Variants in FTO observed in about 807,000 individuals in gnomAD.
FTO encodes FTO alpha-ketoglutarate dependent dioxygenase, also known as alpha-ketoglutarate-dependent dioxygenase FTO.
A neutral mutation model predicts 63.9 loss-of-function variants in FTO; 47 were observed. That is an observed-to-expected ratio of 0.74 (90% CI 0.58 to 0.94). The LOEUF (loss-of-function observed/expected upper bound fraction) is 0.94. Ranked by LOEUF, FTO falls within the 40% of genes least tolerant of loss-of-function variation. The pLI, the probability that FTO is intolerant of heterozygous loss-of-function variation, is 0.00. For missense variants in FTO, 562 were observed against 618.1 expected, an observed-to-expected ratio of 0.91 and a Z score of 0.96; for synonymous variants, 207 against 224.4, an observed-to-expected ratio of 0.92 and a Z score of 0.69.
At chr16:53,920,935 T>C (rs1167805018) in intron 7 of FTO, among the ~76,000 whole-genome samples, 1 of 152,088 alleles carries the variant, frequency 6.6e-6, no homozygotes, top group African/African-American at 2.4e-5. Context: ...ACTAGGGCTT[T>C]GGTTTGGGTA....
Position 54,014,850 on chromosome 16 carries a change from C to CT in FTO, c.1364+80764dup, listed in dbSNP as rs149634902. Among the ~76,000 whole-genome samples, 706 of 102,912 alleles carry CT rather than the reference C, an allele frequency of 6.9e-3. 10 individuals carry two copies. Among genetic ancestry groups the CT allele is most frequent in the Non-Finnish European group, 9.2e-3 (513 of 55,628 alleles). The allele number at this position is 102,912 out of a possible 152,430, so 67.5% of individuals were successfully genotyped here. The stretch of plus-strand genomic sequence containing the variant: ...AATCTCCTACTTTCTCTCTCTCTCT[C>CT]TTTTTTTTTTTTTTTTTTTTTTTGA... On this transcript the variant is annotated intron_variant, in intron 8 of 8. Transcript: ENST00000471389.
chr16:53,916,964 A>T (rs2081884994), intron 7 of FTO, among the ~76,000 whole-genome samples: 1 of 152,088 alleles, frequency 6.6e-6, no homozygotes. Context: ...TCCAAGTGAG[A>T]CTGTAGTCGG....
chr16:53,843,651 C>T lies in FTO; in HGVS notation c.752-504C>T, dbSNP rs192774659. ...CATGTGTATTATAGAAACAGCTTTT[C>T]TAGTTACTAACCCCATTCATCTAAA... On this transcript the variant is annotated intron_variant, in intron 3 of 8. Transcript: ENST00000471389. Among the ~76,000 whole-genome samples the T allele has an allele frequency of 2.9e-4, 44 of 152,212 alleles. 1 individual carries two copies. In the East Asian group the frequency reaches 7.7e-3, roughly 27 times the overall value.
At chr16:54,097,121 G>GT (rs1304170383) in intron 8 of FTO, among the ~76,000 whole-genome samples, 2 of 152,198 alleles carry the variant, frequency 1.3e-5, no homozygotes, top group African/African-American at 2.4e-5. Context: ...TATAACTACA[G>GT]TTTTTTTAGA....
chr16:53,852,871 A>C (rs1056364543), intron 4 of FTO, among the ~76,000 whole-genome samples: 1 of 152,198 alleles, frequency 6.6e-6, no homozygotes, highest in African/African-American at 2.4e-5. Flanking sequence ...ATGATTGCTC[A>C]ATATCACTAG....
chr16:53,931,992 G>A (rs895278288), intron 7 of FTO, among the ~76,000 whole-genome samples: 1 of 151,982 alleles, frequency 6.6e-6, no homozygotes, highest in Admixed American at 6.6e-5. Context: ...GAGCTGGCTG[G>A]ATCTGAATAG....
At chr16:53,994,738 C>CT (rs1358002441) in intron 8 of FTO, among the ~76,000 whole-genome samples, 79 of 147,134 alleles carry the variant, frequency 5.4e-4, no homozygotes, top group East Asian at 3.6e-3. Context: ...GTGTTTCCTC[C>CT]TTTTTTTTTT....
At chr16:53,943,883 C>T (rs1308883444) in intron 8 of FTO, among the ~76,000 whole-genome samples, 1 of 152,218 alleles carries the variant, frequency 6.6e-6, no homozygotes, top group Admixed American at 6.5e-5. Context: ...AACATAAATT[C>T]TCCTTCAATT....
chr16:54,005,921 G>GT (rs566697021), intron 8 of FTO, among the ~76,000 whole-genome samples: 325 of 152,232 alleles, frequency 2.1e-3, no homozygotes, highest in African/African-American at 7.5e-3. Context: ...TCCTAGAAAT[G>GT]TTTTTTGTTT....
chr16:53,704,125 C>T (rs1567909186), upstream of FTO: 4 of 1,498,010 alleles, frequency 2.7e-6, no homozygotes, highest in East Asian at 9.8e-5. Flanking sequence ...ATGCAGGAGG[C>T]GGGGTCCAGG....
intron 8 of FTO, among the ~76,000 whole-genome samples, chr16:54,012,223 T>G (rs1349083763): frequency 6.6e-6 from 1 of 152,172 alleles, no homozygotes; most frequent in African/African-American, 2.4e-5. Flanking sequence ...CGGAGAGAGT[T>G]TGAGTGGTCT....
At chr16:53,997,765 T>A (rs998806710) in intron 8 of FTO, among the ~76,000 whole-genome samples, 4 of 152,120 alleles carry the variant, frequency 2.6e-5, no homozygotes, top group African/African-American at 4.8e-5. Flanking sequence ...TTATTCTCTA[T>A]ACTTGTTATT....
At chr16:53,854,324 GTTTA>G (rs1477955339) in intron 4 of FTO, among the ~76,000 whole-genome samples, 2 of 151,874 alleles carry the variant, frequency 1.3e-5, no homozygotes, top group African/African-American at 4.8e-5. Flanking sequence ...AGTAGGTCCC[GTTTA>G]TTTATTTTTT....
intron 8 of FTO, among the ~76,000 whole-genome samples, chr16:54,032,773 A>G (rs2084860761): frequency 6.6e-6 from 1 of 152,018 alleles, no homozygotes; most frequent in African/African-American, 2.4e-5. Flanking sequence ...CCATTGTTGG[A>G]GGTAGGGTTT....
chr16:54,060,117 C>T (rs2085535324), intron 8 of FTO, among the ~76,000 whole-genome samples: 1 of 152,124 alleles, frequency 6.6e-6, no homozygotes, highest in Non-Finnish European at 1.5e-5. Flanking sequence ...TACTTCTCTT[C>T]CAACTTGATA....
At chr16:54,078,381 A>G (rs1335600045) in intron 8 of FTO, among the ~76,000 whole-genome samples, 1 of 147,296 alleles carries the variant, frequency 6.8e-6, no homozygotes, top group African/African-American at 2.5e-5. Context: ...ATATTAGTAA[A>G]ATAATAAATA....
intron 8 of FTO, chr16:53,993,096 C>T (rs867341882): frequency 3.3e-5 from 5 of 152,172 alleles, no homozygotes; most frequent in South Asian, 2.1e-4. Context: ...GTTCTCTCCC[C>T]GGAGGGTTTT....
At chr16:53,732,841 T>C (rs2076305303) in intron 1 of FTO, among the ~76,000 whole-genome samples, 1 of 152,018 alleles carries the variant, frequency 6.6e-6, no homozygotes, top group Non-Finnish European at 1.5e-5. Flanking sequence ...AAAAGGAGCA[T>C]TGTAGCAGGG....
At chr16:54,067,502 C>T (rs952947874) in intron 8 of FTO, among the ~76,000 whole-genome samples, 4 of 152,144 alleles carry the variant, frequency 2.6e-5, no homozygotes, top group Admixed American at 6.5e-5. Flanking sequence ...GCATGTGCTC[C>T]GCATCAGCCA....
Sources: allele counts gnomAD v4.1 joint callset (sites outside exome capture counted in the v4.1 genomes callset), GRCh38; gene constraint gnomAD v4.1.1; transcripts MANE v1.5; gene names NCBI Gene and HGNC (gene_info 2026-07-23, HGNC 2026-07-21).